ERC1: variants seen among roughly 807,000 people sequenced by gnomAD.
The protein encoded by ERC1 is RAB6 interacting protein 2.
Under a neutral mutation model 132.0 loss-of-function variants are expected in ERC1, and 56 were observed. That is an observed-to-expected ratio of 0.42 (90% CI 0.34 to 0.53). ERC1 has a LOEUF of 0.53. ERC1 is among the 20% of genes least tolerant of loss of function. ERC1 has a pLI of 0.03. For missense variants in ERC1, 1,202 were observed against 1,349.9 expected (o/e 0.89, Z 1.72); for synonymous variants, 478 against 476.1 (o/e 1.00, Z -0.05).
chr12:1,166,190 G>A (rs899433387), intron 8 of ERC1, among the ~76,000 whole-genome samples: 22 of 152,138 alleles, frequency 1.4e-4, no homozygotes, highest in Admixed American at 5.2e-4. Context: ...CCCATGTATT[G>A]TGCGAGGGAC....
chr12:1,373,962 A>G (rs2087561639), intron 16 of ERC1, among the ~76,000 whole-genome samples: 1 of 152,228 alleles, frequency 6.6e-6, no homozygotes, highest in South Asian at 2.1e-4. Flanking sequence ...AGTCCTTCCT[A>G]CAGTCATCTC....
intron 15 of ERC1, among the ~76,000 whole-genome samples, chr12:1,318,425 A>G (rs758315015): frequency 2.6e-5 from 4 of 152,234 alleles, no homozygotes; most frequent in Non-Finnish European, 4.4e-5. Context: ...CTAAAATTTT[A>G]TAGCTTTTGT....
chr12:1,095,888 G>C (rs1277628327), intron 3 of ERC1, among the ~76,000 whole-genome samples: 1 of 151,552 alleles, frequency 6.6e-6, no homozygotes, highest in Non-Finnish European at 1.5e-5. Context: ...GCCTATGGAT[G>C]GTTTAAAATA....
intron 15 of ERC1, among the ~76,000 whole-genome samples, chr12:1,334,270 C>T (rs1247959711): frequency 6.6e-6 from 1 of 152,196 alleles, no homozygotes; most frequent in Admixed American, 6.5e-5. Context: ...GCTTTTGTTG[C>T]AGTTGCTTTT....
intron 11 of ERC1, among the ~76,000 whole-genome samples, chr12:1,185,748 A>G (rs1455643891): frequency 6.9e-6 from 1 of 145,556 alleles, no homozygotes; most frequent in Admixed American, 6.8e-5. Flanking sequence ...TTTTTTTTTA[A>G]TTTATATTGA....
chr12:1,006,887 C>G (rs1217148022), intron 1 of ERC1, among the ~76,000 whole-genome samples: 1 of 150,882 alleles, frequency 6.6e-6, no homozygotes, highest in Non-Finnish European at 1.5e-5. Context: ...TTCCTTTTTT[C>G]TTTTTCTCGT....
At chr12:1,315,895 A>T (rs145636063) in intron 15 of ERC1, among the ~76,000 whole-genome samples, 55 of 150,770 alleles carry the variant, frequency 3.6e-4, no homozygotes, top group African/African-American at 1.3e-3. Context: ...GAAATGGTAA[A>T]CATTTTTTTT....
chr12:1,049,588 C>G (rs1971583649), intron 2 of ERC1, among the ~76,000 whole-genome samples: 1 of 152,016 alleles, frequency 6.6e-6, no homozygotes, highest in Non-Finnish European at 1.5e-5. Context: ...GTAGTGTGAA[C>G]TGAAATGTAT....
intron 1 of ERC1, among the ~76,000 whole-genome samples, chr12:1,004,832 GTGTGTGTGTGTGTGTGTA>G (rs1463991333): frequency 1.8e-4 from 25 of 140,112 alleles, no homozygotes; most frequent in Middle Eastern, 3.5e-3. Context: ...GTGTGTGTGT[GTGTGTGTGTGTGTGTGTA>G]TAAATTTTTT....
intron 12 of ERC1, among the ~76,000 whole-genome samples, chr12:1,214,037 T>A (rs978060843): frequency 2.6e-5 from 4 of 152,202 alleles, no homozygotes; most frequent in Non-Finnish European, 5.9e-5. Context: ...AAGATGAAAT[T>A]TCCTAAGAAC....
intron 2 of ERC1, among the ~76,000 whole-genome samples, chr12:1,081,299 A>G (rs923748023): frequency 1.3e-5 from 2 of 152,162 alleles, no homozygotes; most frequent in Admixed American, 1.3e-4. Flanking sequence ...CCTCTCAAAC[A>G]TTTTAGTAGT....
chr12:1,372,278 G>C (rs1003111039), intron 16 of ERC1, among the ~76,000 whole-genome samples: 3 of 152,032 alleles, frequency 2.0e-5, no homozygotes, highest in Non-Finnish European at 2.9e-5. Context: ...ACATGAAAAG[G>C]CTTTTTTTTT....
chr12:1,236,753 C>T lies in ERC1; in HGVS notation c.2352-16C>T. ...CATACATATGCAAAGCTTGATTTTT[C>T]TCCTTCTGTCATTAGGCAAGTGAAA... On this transcript the variant is annotated splice_polypyrimidine_tract_variant and intron_variant, in intron 12 of 18. Transcript: ENST00000360905. 1 of 1,609,936 alleles carries T rather than the reference C, an allele frequency of 6.2e-7. No individual in the cohort carries two copies. Among genetic ancestry groups the T allele is most frequent in the Non-Finnish European group, 8.5e-7 (1 of 1,177,842 alleles).
intron 15 of ERC1, among the ~76,000 whole-genome samples, chr12:1,353,652 C>T (rs1013875999): frequency 1.3e-5 from 2 of 152,030 alleles, no homozygotes; most frequent in African/African-American, 2.4e-5. Context: ...ACAAGCAAGC[C>T]GTGATTTTCA....
At chr12:1,307,558 T>G (rs541353895) in intron 15 of ERC1, among the ~76,000 whole-genome samples, 6 of 152,220 alleles carry the variant, frequency 3.9e-5, no homozygotes, top group Non-Finnish European at 7.3e-5. Context: ...CTAAAAATTA[T>G]ATTCTTGTTT....
At chr12:1,279,655 A>C (rs1231121505) in intron 14 of ERC1, among the ~76,000 whole-genome samples, 1 of 132,126 alleles carries the variant, frequency 7.6e-6, no homozygotes. Flanking sequence ...TTTTCAAAGC[A>C]GACTTTTTTT....
At chr12:1,235,058 T>C (rs1474673705) in intron 12 of ERC1, among the ~76,000 whole-genome samples, 1 of 152,224 alleles carries the variant, frequency 6.6e-6, no homozygotes, top group East Asian at 1.9e-4. Context: ...AGGAGAAGAT[T>C]GATACATTTG....
At chr12:1,278,369 A>G (rs2078428934) in intron 14 of ERC1, among the ~76,000 whole-genome samples, 1 of 152,216 alleles carries the variant, frequency 6.6e-6, no homozygotes, top group African/African-American at 2.4e-5. Context: ...TGATCCATTT[A>G]TTAATGGAAA....
chr12:1,005,179 TTTCA>T (rs1963338457), intron 1 of ERC1, among the ~76,000 whole-genome samples: 1 of 152,132 alleles, frequency 6.6e-6, no homozygotes, highest in South Asian at 2.1e-4. Context: ...TCACCTGGGG[TTTCA>T]CTCTGTCACC....
Sources: gnomAD v4.1 joint callset for allele counts (sites outside exome capture counted in the v4.1 genomes callset) on GRCh38, gnomAD v4.1.1 for gene constraint, MANE v1.5 for transcripts, NCBI Gene and HGNC (gene_info 2026-07-23, HGNC 2026-07-21) for gene names.